DOT1L: variants seen among roughly 807,000 people sequenced by gnomAD.
DOT1L encodes the protein histone-lysine N-methyltransferase, H3 lysine-79 specific.
Under a neutral mutation model 153.3 loss-of-function variants are expected in DOT1L, and 33 were observed. That is an observed-to-expected ratio of 0.22 (90% CI 0.16 to 0.29). The LOEUF (loss-of-function observed/expected upper bound fraction) is 0.29, where lower values mean the gene tolerates loss of function less well. Among genes scored for constraint, DOT1L ranks in the 10% least tolerant of loss-of-function variants. The probability of loss-of-function intolerance (pLI) is 1.00; values close to 1 mark genes in which losing one functional copy is unlikely to be tolerated. For synonymous variants in DOT1L, 1,135 were observed against 965.1 expected, an observed-to-expected ratio of 1.18 and a Z score of -3.26; for missense variants, 1,847 against 2,119.9, an observed-to-expected ratio of 0.87 and a Z score of 2.53.
chr19:2,169,885 G>C (rs540886418), intron 1 of DOT1L, among the ~76,000 whole-genome samples: 6 of 152,304 alleles, frequency 3.9e-5, no homozygotes, highest in African/African-American at 9.6e-5. Context: ...GCCCAGGCAC[G>C]GTGGCTCATG....
At chr19:2,188,480 G>C (rs1013319679) in intron 3 of DOT1L, among the ~76,000 whole-genome samples, 519 of 66,738 alleles carry the variant, frequency 7.8e-3, no homozygotes, top group East Asian at 0.021. Context: ...CCCAGCCGCC[G>C]CCCCCCCCCC....
In DOT1L at chr19:2,224,886, C is replaced by T. The variant is rs116320657; in HGVS notation, c.3597-502C>T. Reference sequence around the variant, plus strand: ...TTGGGATTGCTCAGCTTAGTGGTTTCCAGGATCTTTAGGAATTTGTGTGTC... The same window carrying T: ...TTGGGATTGCTCAGCTTAGTGGTTTTCAGGATCTTTAGGAATTTGTGTGTC... On this transcript the variant is annotated intron_variant, in intron 25 of 27. Transcript: ENST00000398665. Among the ~76,000 whole-genome samples, 685 of 152,308 alleles carry T rather than the reference C, an allele frequency of 4.5e-3. 6 individuals carry two copies. The highest frequency in any genetic ancestry group is 0.014 in the African/African-American group (564 of 41,548).
intron 1 of DOT1L, among the ~76,000 whole-genome samples, chr19:2,175,005 T>TATA (rs1491495059): frequency 5.6e-5 from 3 of 53,146 alleles, no homozygotes; most frequent in Non-Finnish European, 1.2e-4. Context: ...TATATATATA[T>TATA]TTTTTTTTTT....
chr19:2,199,958 A>G lies in DOT1L; in HGVS notation c.707+19A>G, dbSNP rs757303116. ...ACACGAGGTATGGCCAGCGTGGGGC[A>G]TGCAGGGCATGTGGGGTGTGCGCTC... is the stretch of plus-strand genomic sequence containing the variant. On this transcript the variant is annotated intron_variant, in intron 8 of 27. Transcript: ENST00000398665. 1.5e-5 allele frequency: 24 copies of G among 1,613,376 alleles called. 1 individual carries two copies. The South Asian group carries it at 2.3e-4, about 16-fold the overall frequency.
chr19:2,187,984 G>GAAAAGA (rs1568338041), intron 3 of DOT1L, among the ~76,000 whole-genome samples: 1 of 151,174 alleles, frequency 6.6e-6, no homozygotes, highest in African/African-American at 2.4e-5. Flanking sequence ...CTCTGGAGCT[G>GAAAAGA]CGGGGAAGGC....
At chr19:2,177,087 C>G (rs781128440) in intron 1 of DOT1L, among the ~76,000 whole-genome samples, 1 of 152,192 alleles carries the variant, frequency 6.6e-6, no homozygotes, top group Non-Finnish European at 1.5e-5. Context: ...TGCAACATCC[C>G]GCAGCAGTCT....
chr19:2,223,206 T>C (rs2144911314), intron 24 of DOT1L, 75 bp from the exon 25 acceptor site: 1 of 1,537,580 alleles, frequency 6.5e-7, no homozygotes. Flanking sequence ...AGGAGCCTCC[T>C]GGGGCGGGGG....
At chr19:2,187,336 ACGCT>A (rs1304580071) in intron 3 of DOT1L, among the ~76,000 whole-genome samples, 2 of 152,234 alleles carry the variant, frequency 1.3e-5, no homozygotes, top group East Asian at 3.8e-4. Context: ...AGCGTGTCAG[ACGCT>A]GTGCTCACGG....
intron 2 of DOT1L, 74 bp from the exon 3 acceptor site, chr19:2,185,781 A>G (rs2022473062): frequency 1.3e-6 from 2 of 1,552,778 alleles, no homozygotes; most frequent in Admixed American, 3.4e-5. Flanking sequence ...AACAAAAACA[A>G]AAACAAAAAC....
chr19:2,225,422 A>G lies in DOT1L; in HGVS notation c.3631A>G (p.Ser1211Gly). Residue 1211 changes from serine to glycine, a missense_variant, in exon 26 of 28, where the codon AGC becomes GGC. By Grantham distance (56) the Ser-to-Gly change is moderately conservative. Around this residue, in one of 8 missense-constraint regions of DOT1L, gnomAD observed 934 missense variants for 825.3 expected, o/e 1.13. Coordinates refer to ENST00000398665, the MANE Select transcript of DOT1L (RefSeq NM_032482.3). ...AAAAATTGCAACAATCTCCTTAGAA[A>G]GCAAATCTCCCCCGAAAACCTTGGA... ...ERKIATISLE[S>G]KSPPKTLENG... The G allele has an allele frequency of 5.6e-6, 9 of 1,614,170 alleles. No homozygotes were observed. The highest frequency in any genetic ancestry group is 7.6e-6 in the Non-Finnish European group (9 of 1,180,012).
chr19:2,194,950 C>G (rs898636099), intron 7 of DOT1L, among the ~76,000 whole-genome samples: 2 of 152,126 alleles, frequency 1.3e-5, no homozygotes, highest in African/African-American at 4.8e-5. Flanking sequence ...CTTGTTTGGA[C>G]GGGTTCCTGG....
intron 7 of DOT1L, among the ~76,000 whole-genome samples, chr19:2,198,654 G>A (rs896533024): frequency 3.3e-5 from 5 of 152,208 alleles, no homozygotes; most frequent in Admixed American, 2.0e-4. Context: ...AAGGAGTGTC[G>A]CTGGTCCTCC....
chr19:2,207,448 G>A lies in DOT1L; in HGVS notation c.857-126G>A, dbSNP rs557965275. 9.5e-5 allele frequency: 72 copies of A among 756,432 alleles called. 1 individual carries two copies. The South Asian group carries it at 1.2e-3, about 12-fold the overall frequency. 46.9% of individuals were successfully genotyped at this position (756,432 alleles called of 1,614,324 possible). On this transcript the variant is annotated intron_variant, in intron 10 of 27. Transcript: ENST00000398665. The surrounding 1 kb of genome is among the most constrained non-coding windows in gnomAD (Gnocchi z 4.5). ...CTGTGGGCCACTGTGGCCTGACGCA[G>A]TGTGGGAGAAGAGGGAAGACGCGCA... is the stretch of plus-strand genomic sequence containing the variant.
chr19:2,171,451 C>T (rs1401557890), intron 1 of DOT1L, among the ~76,000 whole-genome samples: 1 of 152,130 alleles, frequency 6.6e-6, no homozygotes, highest in Non-Finnish European at 1.5e-5. Context: ...CCCCAGGGGA[C>T]ACCTGGTGGC....
chr19:2,227,878 C>A (rs1235165091), intron 27 of DOT1L: 2 of 1,275,580 alleles, frequency 1.6e-6, no homozygotes, highest in South Asian at 2.5e-5. Flanking sequence ...TCCTTTCAGG[C>A]CCCGGCCTCG....
intron 9 of DOT1L, among the ~76,000 whole-genome samples, chr19:2,203,792 C>T (rs2023386588): frequency 6.6e-6 from 1 of 152,230 alleles, no homozygotes; most frequent in Admixed American, 6.5e-5. Flanking sequence ...TTGGGGTCTT[C>T]CTTGAGGGGA....
intron 26 of DOT1L, 74 bp from the exon 27 acceptor site, chr19:2,226,109 C>T: frequency 3.5e-6 from 5 of 1,446,086 alleles, no homozygotes; most frequent in Non-Finnish European, 2.7e-6. Context: ...GCCGTGGCAG[C>T]AGCCCCGGTT....
Position 2,191,074 on chromosome 19 carries a change from T to C in DOT1L, c.327T>C (p.His109=), listed in dbSNP as rs1412149939. The change falls in exon 5 of 28, where the codon CAT becomes CAC. Residue 109 remains histidine (H), a synonymous_variant. Transcript: ENST00000398665. This position sits in a 1 kb window ranked among gnomAD's most constrained non-coding sequence, Gnocchi z 6.8. ...GGCCGTCCACTGGACTCCTGCGCCA[T>C]ATCCTGCAGCAGGTCTACAACCACT... The part of the protein sequence containing the change: ...NTRPSTGLLR[H]ILQQVYNHSV... 13 of 1,612,602 alleles carry C rather than the reference T, an allele frequency of 8.1e-6. No homozygotes were observed. In the Middle Eastern group the frequency reaches 4.9e-4, roughly 61 times the overall value.
chr19:2,209,013 C>A, intron 12 of DOT1L, 37 bp downstream of exon 12: 1 of 1,605,012 alleles, frequency 6.2e-7, no homozygotes, highest in Non-Finnish European at 8.5e-7. Flanking sequence ...GTTAATAACA[C>A]GCATGCACTG....
Sources: gnomAD v4.1 joint callset for allele counts (sites outside exome capture counted in the v4.1 genomes callset) on GRCh38, gnomAD v4.1.1 for gene constraint, gnomAD v4.1.1 regional missense constraint, Gnocchi (gnomAD v3.1) non-coding constraint, MANE v1.5 for transcripts, NCBI Gene and HGNC (gene_info 2026-07-23, HGNC 2026-07-21) for gene names.